NAALADL2: variants seen among roughly 807,000 people sequenced by gnomAD.
NAALADL2 encodes inactive N-acetylated-alpha-linked acidic dipeptidase-like protein 2.
In NAALADL2, 76 loss-of-function variants were observed where a neutral mutation model predicts 87.2. The observed-to-expected ratio is 0.87, with a 90% CI of 0.72 to 1.05. The LOEUF (loss-of-function observed/expected upper bound fraction) is 1.05, where lower values mean the gene tolerates loss of function less well. Ranked by LOEUF, NAALADL2 falls within the 50% of genes least tolerant of loss-of-function variation. NAALADL2 has a pLI of 0.00. For missense variants in NAALADL2, 1,089 were observed against 945.8 expected (o/e 1.15, Z -1.99); for synonymous variants, 354 against 331.0 (o/e 1.07, Z -0.75).
chr3:175,123,880 T>G (rs1323733557), intron 2 of NAALADL2, among the ~76,000 whole-genome samples: 1 of 152,062 alleles, frequency 6.6e-6, no homozygotes. Flanking sequence ...TCATGTTTCT[T>G]AAGAACAAAG....
chr3:174,610,016 T>C (rs1719638713), intron 2 of NAALADL2, among the ~76,000 whole-genome samples: 1 of 152,066 alleles, frequency 6.6e-6, no homozygotes, highest in African/African-American at 2.4e-5. Context: ...GCCGTATATC[T>C]ACAACTATCT....
chr3:175,537,529 A>G (rs904238808), intron 9 of NAALADL2, among the ~76,000 whole-genome samples: 1 of 152,192 alleles, frequency 6.6e-6, no homozygotes, highest in Admixed American at 6.5e-5. Flanking sequence ...ACATTAATTA[A>G]CAAATATAAA....
chr3:175,788,502 G>A (rs1560016411), intron 13 of NAALADL2, among the ~76,000 whole-genome samples: 1 of 152,084 alleles, frequency 6.6e-6, no homozygotes, highest in African/African-American at 2.4e-5. Flanking sequence ...TCAGTACAGT[G>A]CAGGTTTGTA....
rs74428537 is a variant in NAALADL2, at chr3:174,678,413, A to G, written c.-114-59228A>G. Among the ~76,000 whole-genome samples, 736 of 152,240 alleles carry G rather than the reference A, an allele frequency of 4.8e-3. 8 individuals carry two copies. Among genetic ancestry groups the G allele is most frequent in the African/African-American group, 0.017 (712 of 41,556 alleles). Reference sequence around the variant, plus strand: ...AGGCTGTGTTAAATTGCCCAGTTATACTTTATGCTTATCTTCAGCTTTACA... The same window carrying G: ...AGGCTGTGTTAAATTGCCCAGTTATGCTTTATGCTTATCTTCAGCTTTACA... On this transcript the variant is annotated intron_variant, in intron 2 of 3. Transcript: ENST00000434257.
chr3:175,743,513 A>G (rs1201864067), intron 12 of NAALADL2, among the ~76,000 whole-genome samples: 2 of 152,234 alleles, frequency 1.3e-5, no homozygotes, highest in African/African-American at 4.8e-5. Flanking sequence ...GGATAAAGAA[A>G]ACTGGATGTA....
chr3:175,451,014 T>C (rs1309043351), intron 6 of NAALADL2, among the ~76,000 whole-genome samples: 1 of 151,620 alleles, frequency 6.6e-6, no homozygotes, highest in African/African-American at 2.4e-5. Flanking sequence ...AAGATAGAAA[T>C]AGATATAGAG....
rs1182682303 is a variant in NAALADL2 at position 175,667,241 on chromosome 3, A to AAGAAAGAAAGAAAGAAAGAAAAAG, written c.1896+39856_1896+39857insGAAAGAAAGAAAGAAAGAAAAAGA. Among the ~76,000 whole-genome samples, 117 of 91,726 alleles carry AAGAAAGAAAGAAAGAAAGAAAAAG rather than the reference A, an allele frequency of 1.3e-3. 2 individuals are homozygous for AAGAAAGAAAGAAAGAAAGAAAAAG. Among genetic ancestry groups the AAGAAAGAAAGAAAGAAAGAAAAAG allele is most frequent in the African/African-American group, 5.0e-3 (98 of 19,664 alleles). The allele number at this position is 91,726 out of a possible 152,430, so 60.2% of individuals were successfully genotyped here. A position where few individuals can be genotyped will look rare whatever the true frequency, so the allele number is the denominator to read the frequency against. On this transcript the variant is annotated intron_variant, in intron 11 of 13. Coordinates refer to ENST00000454872, the MANE Select transcript of NAALADL2 (RefSeq NM_207015.3). ...AAAGAAAGAAAGAAAGAAAGAAAGA[A>AAGAAAGAAAGAAAGAAAGAAAAAG]AAAGAAAGAAAGAAAGAAAGAAAGG... is the stretch of plus-strand genomic sequence containing the variant.
intron 1 of NAALADL2, among the ~76,000 whole-genome samples, chr3:174,881,415 G>A (rs1238566138): frequency 6.6e-6 from 1 of 152,034 alleles, no homozygotes; most frequent in Non-Finnish European, 1.5e-5. Context: ...AATAGGGCTT[G>A]GGGCATCATA....
At chr3:174,611,482 A>G (rs1370103061) in intron 2 of NAALADL2, among the ~76,000 whole-genome samples, 2 of 152,134 alleles carry the variant, frequency 1.3e-5, no homozygotes, top group Non-Finnish European at 2.9e-5. Context: ...TAGTCTTTCT[A>G]ATTACGGTAG....
intron 11 of NAALADL2, among the ~76,000 whole-genome samples, chr3:175,710,905 T>A (rs1264099700): frequency 2.6e-5 from 4 of 151,990 alleles, no homozygotes; most frequent in African/African-American, 9.7e-5. Context: ...CCCATCATTT[T>A]GTTATTTTGT....
chr3:175,095,223 A>C (rs1720933633), intron 1 of NAALADL2, among the ~76,000 whole-genome samples: 1 of 151,922 alleles, frequency 6.6e-6, no homozygotes, highest in South Asian at 2.1e-4. Flanking sequence ...CTCTTGCAAA[A>C]GCAACTTAGA....
At chr3:175,631,998 A>T (rs1727829355) in intron 11 of NAALADL2, among the ~76,000 whole-genome samples, 1 of 152,078 alleles carries the variant, frequency 6.6e-6, no homozygotes, top group Non-Finnish European at 1.5e-5. Flanking sequence ...AGGTAAATAA[A>T]TCATTTTAAT....
Position 175,739,986 on chromosome 3 carries a change from C to T in NAALADL2, c.1990+2587C>T, listed in dbSNP as rs183295116. Among the ~76,000 whole-genome samples, 255 of 152,132 alleles carry T rather than the reference C, an allele frequency of 1.7e-3. 1 individual carries two copies. In the Middle Eastern group the frequency reaches 0.027, roughly 16 times the overall value. ...AGATCTGACCTGAGAATGTAAATTT[C>T]GGATTCATCCTAGATGAAATTACTA... On this transcript the variant is annotated intron_variant, in intron 12 of 13. Coordinates refer to ENST00000454872, the MANE Select transcript of NAALADL2 (RefSeq NM_207015.3).
intron 10 of NAALADL2, among the ~76,000 whole-genome samples, chr3:175,594,002 ACTTTT>A (rs1223579268): frequency 2.7e-5 from 4 of 150,296 alleles, no homozygotes; most frequent in East Asian, 3.9e-4. Flanking sequence ...TTTAATTTCA[ACTTTT>A]CTTTTATACA....
At chr3:175,303,670 C>T (rs969389226) in intron 4 of NAALADL2, among the ~76,000 whole-genome samples, 4 of 152,150 alleles carry the variant, frequency 2.6e-5, no homozygotes, top group Non-Finnish European at 5.9e-5. Flanking sequence ...TTTGGTTTGG[C>T]CTGCATTCCC....
intron 4 of NAALADL2, among the ~76,000 whole-genome samples, chr3:175,321,410 C>T (rs1759845478): frequency 9.3e-6 from 1 of 107,768 alleles, no homozygotes; most frequent in Admixed American, 9.7e-5. Flanking sequence ...GGAAGCATTC[C>T]CTTTGAAAAC....
At chr3:174,649,345 T>C (rs1053320020) in intron 2 of NAALADL2, among the ~76,000 whole-genome samples, 1 of 152,180 alleles carries the variant, frequency 6.6e-6, no homozygotes, top group Non-Finnish European at 1.5e-5. Flanking sequence ...GTCTTAGAAA[T>C]TAGATTAGCA....
intron 2 of NAALADL2, among the ~76,000 whole-genome samples, chr3:174,622,524 T>C (rs1280357632): frequency 6.6e-6 from 1 of 152,188 alleles, no homozygotes; most frequent in Admixed American, 6.5e-5. Context: ...ATATAACTTT[T>C]GAATCCCTCC....
At chr3:175,756,221 T>A (rs1216188384) in intron 13 of NAALADL2, among the ~76,000 whole-genome samples, 3 of 152,230 alleles carry the variant, frequency 2.0e-5, no homozygotes, top group Admixed American at 2.0e-4. Flanking sequence ...TTGGTAGGAA[T>A]GTAAATTAGC....
Sources: allele counts gnomAD v4.1 joint callset (sites outside exome capture counted in the v4.1 genomes callset), GRCh38; gene constraint gnomAD v4.1.1; transcripts MANE v1.5; gene names NCBI Gene and HGNC (gene_info 2026-07-23, HGNC 2026-07-21).